Variants in HDAC9 observed in about 807,000 individuals in gnomAD.
The protein encoded by HDAC9 is MEF-2 interacting transcription repressor (MITR) protein.
Under a neutral mutation model 139.4 loss-of-function variants are expected in HDAC9, and 41 were observed. That is an observed-to-expected ratio of 0.29 (90% CI 0.23 to 0.38). The LOEUF (loss-of-function observed/expected upper bound fraction) is 0.38. Ranked by LOEUF, HDAC9 falls within the 10% of genes least tolerant of loss-of-function variation. The probability of loss-of-function intolerance (pLI) is 1.00; values close to 1 mark genes in which losing one functional copy is unlikely to be tolerated. For synonymous variants in HDAC9, 517 were observed against 476.2 expected, an observed-to-expected ratio of 1.09 and a Z score of -1.12; for missense variants, 1,147 against 1,297.0, an observed-to-expected ratio of 0.88 and a Z score of 1.78.
chr7:18,132,771 A>G (rs1226200910), intron 1 of HDAC9, among the ~76,000 whole-genome samples: 3 of 152,194 alleles, frequency 2.0e-5, no homozygotes, highest in African/African-American at 7.2e-5. Flanking sequence ...TCAGTAAAAT[A>G]AAGAGTTGGG....
intron 19 of HDAC9, among the ~76,000 whole-genome samples, chr7:18,833,665 TA>T (rs1343024476): frequency 1.3e-5 from 2 of 152,210 alleles, no homozygotes; most frequent in African/African-American, 2.4e-5. Flanking sequence ...TTGACTAAGT[TA>T]TTTTTTTTCC....
At chr7:18,631,531 A>G (rs1184094528) in intron 7 of HDAC9, among the ~76,000 whole-genome samples, 1 of 152,056 alleles carries the variant, frequency 6.6e-6, no homozygotes, top group Non-Finnish European at 1.5e-5. Context: ...TCATAACATC[A>G]GAGCAGTTCA....
chr7:18,408,062 T>A (rs1005656484), intron 1 of HDAC9, among the ~76,000 whole-genome samples: 1 of 152,164 alleles, frequency 6.6e-6, no homozygotes, highest in Non-Finnish European at 1.5e-5. Context: ...AATGAGATGA[T>A]GTATGTATAA....
intron 24 of HDAC9, among the ~76,000 whole-genome samples, chr7:18,971,126 C>G (rs1784216624): frequency 6.6e-6 from 1 of 152,164 alleles, no homozygotes; most frequent in Non-Finnish European, 1.5e-5. Flanking sequence ...TCTTGACTCT[C>G]TACATTCCAT....
At chr7:18,793,228 T>C (rs765844703) in intron 16 of HDAC9, 117 bp from the exon 17 acceptor site, 1 of 703,730 alleles carries the variant, frequency 1.4e-6, no homozygotes, top group Non-Finnish European at 2.5e-6. Flanking sequence ...CCTCACAGAT[T>C]TGCTTTCTCT....
At chr7:18,479,762 A>G (rs1019007815) in intron 1 of HDAC9, among the ~76,000 whole-genome samples, 1 of 151,898 alleles carries the variant, frequency 6.6e-6, no homozygotes, top group Non-Finnish European at 1.5e-5. Flanking sequence ...TCAATTCAGG[A>G]CACTTTACTT....
chr7:18,673,752 T>A (rs974767506), intron 12 of HDAC9, among the ~76,000 whole-genome samples: 1 of 152,078 alleles, frequency 6.6e-6, no homozygotes, highest in Non-Finnish European at 1.5e-5. Context: ...CTATAAAACT[T>A]GAACAGATGA....
intron 1 of HDAC9, among the ~76,000 whole-genome samples, chr7:18,152,566 A>T (rs138842345): frequency 2.0e-5 from 3 of 152,314 alleles, no homozygotes; most frequent in Non-Finnish European, 4.4e-5. Flanking sequence ...AGAAGGTCTC[A>T]GATAAGTCCT....
chr7:18,556,775 T>C (rs887291217), intron 2 of HDAC9, among the ~76,000 whole-genome samples: 8 of 152,082 alleles, frequency 5.3e-5, no homozygotes, highest in Non-Finnish European at 1.0e-4. Context: ...TTGTTGGTAA[T>C]GCTGCATACA....
At chr7:18,704,788 C>A (rs1478797130) in intron 12 of HDAC9, among the ~76,000 whole-genome samples, 1 of 151,930 alleles carries the variant, frequency 6.6e-6, no homozygotes, top group Non-Finnish European at 1.5e-5. Context: ...GGTCACATAG[C>A]CTACATATCA....
intron 2 of HDAC9, among the ~76,000 whole-genome samples, chr7:18,515,382 T>G (rs1461543284): frequency 5.9e-5 from 9 of 152,056 alleles, no homozygotes; most frequent in Non-Finnish European, 1.2e-4. Flanking sequence ...AGAATGAAAT[T>G]TTTTTTTAGC....
rs572533536 is a variant in HDAC9 at position 18,997,255 on chromosome 7, T to C, written c.*1193T>C. On this transcript the variant is annotated 3_prime_UTR_variant, in exon 26 of 26. Transcript: ENST00000686413. ...TGTTAATGAAGGCACTGCTTATTTGTAGTCACCTTGAACTGACTTAACCTA... is the reference window on the plus strand; with the variant it reads ...TGTTAATGAAGGCACTGCTTATTTGCAGTCACCTTGAACTGACTTAACCTA... The C allele has an allele frequency of 8.6e-5, 13 of 151,568 alleles. No homozygotes were observed. The highest frequency in any genetic ancestry group is 1.6e-4 in the Non-Finnish European group (11 of 67,926). The allele number at this position is 151,568 out of a possible 1,614,324, so 9.4% of individuals were successfully genotyped here. A position where few individuals can be genotyped will look rare whatever the true frequency, so the allele number is the denominator to read the frequency against.
chr7:18,164,607 G>A (rs1181356130), intron 2 of HDAC9, among the ~76,000 whole-genome samples: 1 of 152,070 alleles, frequency 6.6e-6, no homozygotes, highest in African/African-American at 2.4e-5. Flanking sequence ...ATTGGTTCTG[G>A]TATAGTGTGA....
chr7:18,626,843 G>T, intron 6 of HDAC9, among the ~76,000 whole-genome samples: 1 of 152,120 alleles, frequency 6.6e-6, no homozygotes, highest in East Asian at 1.9e-4. Flanking sequence ...AATGGCATAT[G>T]CTATTTTTCC....
chr7:18,628,892 G>T (rs1781478965), intron 6 of HDAC9, among the ~76,000 whole-genome samples: 1 of 152,084 alleles, frequency 6.6e-6, no homozygotes, highest in African/African-American at 2.4e-5. Flanking sequence ...TGCTGCAGAG[G>T]TGTCTTCTTA....
intron 17 of HDAC9, among the ~76,000 whole-genome samples, chr7:18,821,633 G>A (rs534092030): frequency 6.6e-6 from 1 of 152,256 alleles, no homozygotes; most frequent in South Asian, 2.1e-4. Context: ...TTTTCCTACA[G>A]CCAGCAATTC....
intron 8 of HDAC9, among the ~76,000 whole-genome samples, chr7:18,640,026 C>T (rs1785070915): frequency 6.6e-6 from 1 of 151,932 alleles, no homozygotes; most frequent in Admixed American, 6.6e-5. Flanking sequence ...TTCTGATTCT[C>T]ATGCATATTG....
chr7:18,509,338 CA>C lies in HDAC9; in HGVS notation c.22+13015del, dbSNP rs964673332. The C allele has an allele frequency of 2.2e-5, 22 of 985,276 alleles. No homozygotes were observed. The African/African-American group carries it at 3.8e-4, about 17-fold the overall frequency. 61.0% of individuals were successfully genotyped at this position (985,276 alleles called of 1,614,324 possible). A position where few individuals can be genotyped will look rare whatever the true frequency, so the allele number is the denominator to read the frequency against. On this transcript the variant is annotated intron_variant, in intron 2 of 25. Transcript: ENST00000686413. The stretch of plus-strand genomic sequence containing the variant: ...TTTATCAATGGGTAGGTGGGAGAAC[CA>C]GGGGAAGACTGTCAGCTACGATTTT...
intron 1 of HDAC9, among the ~76,000 whole-genome samples, chr7:18,436,184 A>G (rs1791185579): frequency 1.3e-5 from 2 of 152,140 alleles, no homozygotes; most frequent in African/African-American, 2.4e-5. Context: ...CACAACATAC[A>G]TGAAGTAGTT....
Sources: gnomAD v4.1 joint callset for allele counts (sites outside exome capture counted in the v4.1 genomes callset) on GRCh38, gnomAD v4.1.1 for gene constraint, MANE v1.5 for transcripts, NCBI Gene and HGNC (gene_info 2026-07-23, HGNC 2026-07-21) for gene names.